The following C5 variants were observed in gnomAD, a reference collection of about 807,000 sequenced individuals.
C5 encodes C3 and PZP-like alpha-2-macroglobulin domain-containing protein 4.
A neutral mutation model predicts 218.8 loss-of-function variants in C5; 140 were observed. That is an observed-to-expected ratio of 0.64 (90% CI 0.56 to 0.74). The LOEUF (loss-of-function observed/expected upper bound fraction) is 0.74, where lower values mean the gene tolerates loss of function less well. Among genes scored for constraint, C5 ranks in the 30% least tolerant of loss-of-function variants. The probability of loss-of-function intolerance (pLI) is 0.00; values close to 1 mark genes in which losing one functional copy is unlikely to be tolerated. For missense variants in C5, 1,700 were observed against 1,969.6 expected, an observed-to-expected ratio of 0.86 and a Z score of 2.59; for synonymous variants, 614 against 682.3, an observed-to-expected ratio of 0.90 and a Z score of 1.56.
intron 30 of C5, among the ~76,000 whole-genome samples, chr9:120,974,142 A>G (rs2046934810): frequency 6.6e-6 from 1 of 152,228 alleles, no homozygotes; most frequent in Non-Finnish European, 1.5e-5. Context: ...GTGGGCAGCT[A>G]ATATTAATAT....
chr9:120,972,118 G>T, intron 30 of C5, 126 bp from the exon 31 acceptor site: 1 of 746,284 alleles, frequency 1.3e-6, no homozygotes, highest in Non-Finnish European at 2.4e-6. Flanking sequence ...GAGAGTAACT[G>T]GATGAGACAC....
At chr9:120,987,380 C>T (rs1035253535) in intron 25 of C5, among the ~76,000 whole-genome samples, 1 of 152,122 alleles carries the variant, frequency 6.6e-6, no homozygotes, top group African/African-American at 2.4e-5. Flanking sequence ...CGCAGTGGCT[C>T]ATGCCTGTAA....
At chr9:120,970,094 T>C (rs2046899463) in intron 32 of C5, 76 bp downstream of exon 32, 2 of 995,490 alleles carry the variant, frequency 2.0e-6, no homozygotes, top group Non-Finnish European at 3.2e-6. Flanking sequence ...ACATTTTTAC[T>C]AATCAGAGAA....
the C5 span, among the ~76,000 whole-genome samples, chr9:121,066,309 CT>C: frequency 2.1e-5 from 1 of 47,812 alleles, no homozygotes; most frequent in Non-Finnish European, 3.8e-5. Flanking sequence ...GAGACTCCAT[CT>C]TAAAAAAAAA....
chr9:120,958,253 C>T (rs567266364), intron 38 of C5, among the ~76,000 whole-genome samples: 2 of 152,270 alleles, frequency 1.3e-5, no homozygotes, highest in East Asian at 3.9e-4. Context: ...TTATAATGGA[C>T]ATGGGCAATG....
Position 120,957,364 on chromosome 9 carries a change from A to G in C5, c.4683T>C (p.Tyr1561=), listed in dbSNP as rs1210096676. 33 of 1,611,290 alleles carry G rather than the reference A, an allele frequency of 2.0e-5. No homozygotes were observed. The highest frequency in any genetic ancestry group is 2.8e-5 in the Non-Finnish European group (33 of 1,177,788). ...TACKPEIAYA[Y]KVSITSITVE... is the part of the protein sequence containing the mutation. ...CAGTGATGGATGTGATGCTAACTTT[A>G]TAAGCTGGCAAAAGACAAACAACAA... The change falls in exon 39 of 41, where the codon TAT becomes TAC. Residue 1561 remains tyrosine (Y), a synonymous_variant. Coordinates refer to ENST00000223642, the MANE Select transcript of C5 (RefSeq NM_001735.3).
chr9:121,060,031 G>T, the C5 span, among the ~76,000 whole-genome samples: 1 of 152,128 alleles, frequency 6.6e-6, no homozygotes, highest in Non-Finnish European at 1.5e-5. Context: ...TTAAGTTTGG[G>T]GGAATTTATT....
intron 5 of C5, among the ~76,000 whole-genome samples, chr9:121,033,761 G>A (rs41308020): frequency 0.13 from 19,533 of 152,182 alleles, 1,375 homozygotes; most frequent in East Asian, 0.18. Flanking sequence ...GAGGGCAGAG[G>A]AAAAATGACC....
rs1268906863 is a variant in C5 at position 121,002,230 on chromosome 9, G to GTA, written c.2562+3687_2562+3688dup. On this transcript the variant is annotated intron_variant, in intron 20 of 40. Transcript: ENST00000223642. ...TGTATATATACGTATATATATATAT[G>GTA]TATATATGTATATGTATATATATGT... Among the ~76,000 whole-genome samples, 40 of 47,230 alleles carry GTA rather than the reference G, an allele frequency of 8.5e-4. 1 individual carries two copies. The highest frequency in any genetic ancestry group is 6.9e-3 in the South Asian group (4 of 576). 31.0% of individuals were successfully genotyped at this position (47,230 alleles called of 152,430 possible).
At chr9:121,071,819 A>G in the C5 span, among the ~76,000 whole-genome samples, 1 of 152,006 alleles carries the variant, frequency 6.6e-6, no homozygotes, top group African/African-American at 2.4e-5. Context: ...CTGGGTTGCA[A>G]AAAGCTGAGG....
Position 121,042,990 on chromosome 9 carries a change from A to T in C5, c.421+14T>A. On this transcript the variant is annotated intron_variant, in intron 3 of 40. Transcript: ENST00000223642. ...AAATCCCCCACCCAGAGGAAGAAAT[A>T]TCTTATAATCTACCTGACTGGTCTG... 1 of 1,604,432 alleles carries T rather than the reference A, an allele frequency of 6.2e-7. No individual in the cohort carries two copies. The highest frequency in any genetic ancestry group is 8.5e-7 in the Non-Finnish European group (1 of 1,171,530).
Position 120,961,488 on chromosome 9 carries a change from C to T in C5, c.4582G>A (p.Val1528Ile), listed in dbSNP as rs1235056478. The T allele has an allele frequency of 6.2e-7, 1 of 1,605,352 alleles. No individual in the cohort carries two copies. The highest frequency in any genetic ancestry group is 2.2e-5 in the East Asian group (1 of 44,830). Residue 1528 changes from valine (V) to isoleucine (I), a missense_variant, in exon 37 of 41, where the codon GTA becomes ATA. By Grantham distance (29) the Val-to-Ile change is conservative. Transcript: ENST00000223642. ...KVCEGAACKC[V>I]EADCGQMQEE... Reference sequence around the variant, plus strand: ...TATGTTAAATAAAGTTTACCTTCTACACACTTGCACGCGGCTCCTTCACAG... The same window carrying T: ...TATGTTAAATAAAGTTTACCTTCTATACACTTGCACGCGGCTCCTTCACAG...
rs78640581 is a variant in C5, at chr9:121,020,064, T to C, written c.1418A>G (p.His473Arg). ...SYLYIDWTDN[H>R]KALLVGEHLN... ...ATGTTCTCCCACTAGCAAAGCCTTATGGTTATCAGTCCAATCAATATAAAG... is the reference window on the plus strand; with the variant it reads ...ATGTTCTCCCACTAGCAAAGCCTTACGGTTATCAGTCCAATCAATATAAAG... Residue 473 changes from histidine to arginine, a missense_variant, in exon 12 of 41, where the codon CAT (histidine) becomes CGT (arginine). His to Arg is a conservative substitution (Grantham distance 29, BLOSUM62 0). Transcript: ENST00000223642. 252 of 1,613,456 alleles carry C rather than the reference T, an allele frequency of 1.6e-4. No homozygotes were observed. The African/African-American group carries it at 3.1e-3, about 20-fold the overall frequency.
chr9:120,989,430 A>G lies in C5; in HGVS notation c.3154+138T>C, dbSNP rs961572550. On this transcript the variant is annotated intron_variant, in intron 24 of 40. Coordinates refer to ENST00000223642, the MANE Select transcript of C5 (RefSeq NM_001735.3). ...TGCTACAGAAATAATATTTATTTAT[A>G]TAGTAGAGTCCATCTCATGATTTTT... 5.6e-5 allele frequency: 37 copies of G among 665,694 alleles called. No homozygotes were observed. The African/African-American group carries it at 6.4e-4, about 11-fold the overall frequency. The allele number at this position is 665,694 out of a possible 1,614,324, so 41.2% of individuals were successfully genotyped here. A position where few individuals can be genotyped will look rare whatever the true frequency, so the allele number is the denominator to read the frequency against.
At chr9:121,059,100 T>C in the C5 span, among the ~76,000 whole-genome samples, 154 of 152,266 alleles carry the variant, frequency 1.0e-3, 2 homozygotes, top group Non-Finnish European at 3.2e-4. This position sits in a 1 kb window ranked among gnomAD's most constrained non-coding sequence, Gnocchi z 4.1. Context: ...GAATGGTAAC[T>C]GGGAAAAATA....
intron 33 of C5, among the ~76,000 whole-genome samples, chr9:120,968,426 A>ATT (rs1398013267): frequency 6.6e-6 from 1 of 152,190 alleles, no homozygotes; most frequent in Non-Finnish European, 1.5e-5. Context: ...CAGCTCCTTG[A>ATT]TTTTGGGACT....
At chr9:120,965,428 G>A (rs1297545091) in intron 33 of C5, among the ~76,000 whole-genome samples, 1 of 152,006 alleles carries the variant, frequency 6.6e-6, no homozygotes, top group Non-Finnish European at 1.5e-5. Context: ...GCTGAGGCAC[G>A]AGAATGGCTT....
At chr9:121,025,389 TTC>T in intron 9 of C5, 63 bp downstream of exon 9, 12 of 1,422,352 alleles carry the variant, frequency 8.4e-6, no homozygotes, top group South Asian at 1.5e-5. Flanking sequence ...ATCTTTAATA[TTC>T]TGTCTAAATA....
chr9:120,960,964 G>A (rs1459001960), intron 37 of C5, among the ~76,000 whole-genome samples: 7 of 152,206 alleles, frequency 4.6e-5, no homozygotes, highest in Admixed American at 1.3e-4. Context: ...CCTAGAAAAT[G>A]TGTAGATATT....
Sources: gnomAD v4.1 joint callset for allele counts (sites outside exome capture counted in the v4.1 genomes callset) on GRCh38, gnomAD v4.1.1 for gene constraint, Gnocchi (gnomAD v3.1) non-coding constraint, MANE v1.5 for transcripts, NCBI Gene and HGNC (gene_info 2026-07-23, HGNC 2026-07-21) for gene names.